Variants in KHDRBS2 observed in about 807,000 individuals in gnomAD.
KHDRBS2 encodes the protein KH domain-containing, RNA-binding, signal transduction-associated protein 2.
In KHDRBS2, 26 loss-of-function variants were observed where a neutral mutation model predicts 44.3. The ratio of observed to expected loss-of-function variants is 0.59; its 90% CI spans 0.43 to 0.81. KHDRBS2 has a LOEUF of 0.81. Ranked by LOEUF, KHDRBS2 falls within the 40% of genes least tolerant of loss-of-function variation. KHDRBS2 has a pLI of 0.00. For synonymous variants in KHDRBS2, 194 were observed against 151.1 expected (o/e 1.28, Z -2.08); for missense variants, 476 against 433.1 (o/e 1.10, Z -0.88).
intron 6 of KHDRBS2, among the ~76,000 whole-genome samples, chr6:61,769,442 A>G (rs1042048195): frequency 6.6e-6 from 1 of 152,152 alleles, no homozygotes; most frequent in African/African-American, 2.4e-5. Context: ...TGGCACCTGG[A>G]AAATCGGGTC....
At chr6:62,033,170 G>C (rs978277306) in intron 3 of KHDRBS2, among the ~76,000 whole-genome samples, 1 of 151,662 alleles carries the variant, frequency 6.6e-6, no homozygotes, top group Non-Finnish European at 1.5e-5. Context: ...CCCAAACAGA[G>C]GAGACAAAAG....
At chr6:61,639,388 T>A in the KHDRBS2 span, among the ~76,000 whole-genome samples, 1 of 152,102 alleles carries the variant, frequency 6.6e-6, no homozygotes, top group African/African-American at 2.4e-5. Flanking sequence ...TCACCTCTAA[T>A]ATTTATGTCT....
chr6:62,223,727 C>T (rs1478120053), intron 1 of KHDRBS2, among the ~76,000 whole-genome samples: 2 of 152,104 alleles, frequency 1.3e-5, no homozygotes, highest in Admixed American at 6.5e-5. Flanking sequence ...TTCAAAGTTC[C>T]ACAAATCTCT....
At chr6:61,869,670 T>C (rs1187093082) in intron 6 of KHDRBS2, among the ~76,000 whole-genome samples, 2 of 152,092 alleles carry the variant, frequency 1.3e-5, no homozygotes, top group Admixed American at 6.5e-5. Flanking sequence ...ACCTGGTTCA[T>C]CTCATTGGGC....
At chr6:61,968,465 T>C (rs1770606473) in intron 4 of KHDRBS2, among the ~76,000 whole-genome samples, 1 of 151,780 alleles carries the variant, frequency 6.6e-6, no homozygotes, top group Non-Finnish European at 1.5e-5. Context: ...AAACAAGAGG[T>C]CCCCAAATAG....
chr6:61,604,374 A>G, the KHDRBS2 span, among the ~76,000 whole-genome samples: 1 of 152,132 alleles, frequency 6.6e-6, no homozygotes, highest in Non-Finnish European at 1.5e-5. Context: ...TTTATCCCTC[A>G]TGGCAGTTTT....
intron 1 of KHDRBS2, among the ~76,000 whole-genome samples, chr6:62,239,505 G>C (rs149331492): frequency 6.6e-6 from 1 of 151,926 alleles, no homozygotes; most frequent in Non-Finnish European, 1.5e-5. Context: ...CCCTGGAGGC[G>C]GACGTTGCCG....
chr6:61,798,522 G>T (rs1217834929), intron 6 of KHDRBS2, among the ~76,000 whole-genome samples: 1 of 152,046 alleles, frequency 6.6e-6, no homozygotes, highest in Admixed American at 6.6e-5. Context: ...TAAATGTTTT[G>T]CAGTACAAAT....
At chr6:61,859,592 G>A (rs769355577) in intron 6 of KHDRBS2, among the ~76,000 whole-genome samples, 1 of 151,852 alleles carries the variant, frequency 6.6e-6, no homozygotes, top group Non-Finnish European at 1.5e-5. Context: ...CCAGAAGCCT[G>A]GGAGATATAA....
At position 61,860,174 on chromosome 6, in the gene KHDRBS2, G is replaced by T. The variant is rs560400831; in HGVS notation, c.810+34461C>A. Among the ~76,000 whole-genome samples, 70 of 151,974 alleles carry T rather than the reference G, an allele frequency of 4.6e-4. No homozygotes were observed. In the Middle Eastern group the frequency reaches 0.01, roughly 22 times the overall value. ...ATAAATCCATACTTAGACACCTCAT[G>T]GTAAAAATAGTAGGACATCAAAGAT... On this transcript the variant is annotated intron_variant, in intron 6 of 8. Transcript: ENST00000281156.
At chr6:61,562,919 G>C in the KHDRBS2 span, among the ~76,000 whole-genome samples, 1 of 152,158 alleles carries the variant, frequency 6.6e-6, no homozygotes, top group East Asian at 1.9e-4. Flanking sequence ...TGTATATAAT[G>C]CGTTATATCT....
chr6:61,818,553 G>A (rs2127248445), intron 6 of KHDRBS2, among the ~76,000 whole-genome samples: 2 of 152,066 alleles, frequency 1.3e-5, no homozygotes, highest in South Asian at 4.1e-4. Flanking sequence ...TGGTTTAACA[G>A]TGCCTAGAAG....
At chr6:62,205,585 A>C (rs1166632496) in intron 1 of KHDRBS2, among the ~76,000 whole-genome samples, 1 of 152,118 alleles carries the variant, frequency 6.6e-6, no homozygotes, top group Non-Finnish European at 1.5e-5. Context: ...ATTTAATTTC[A>C]GGACCAGCTG....
At chr6:62,225,878 T>C (rs774193989) in intron 1 of KHDRBS2, among the ~76,000 whole-genome samples, 2 of 152,258 alleles carry the variant, frequency 1.3e-5, no homozygotes, top group African/African-American at 4.8e-5. Flanking sequence ...CATTGCTTTT[T>C]ATGGCTGCAT....
At position 61,733,416 on chromosome 6, in the gene KHDRBS2, C is replaced by A. The variant is rs982929183; in HGVS notation, c.811-652G>T. On this transcript the variant is annotated intron_variant, in intron 6 of 8. Transcript: ENST00000281156. ...GACCAGCCTGGCCAACATGGTGAAA[C>A]CCCATCTCTACTAAAAAATACAAAA... Among the ~76,000 whole-genome samples the A allele has an allele frequency of 1.1e-4, 17 of 152,036 alleles. 2 individuals are homozygous for A. Among genetic ancestry groups the A allele is most frequent in the Admixed American group, 8.5e-4 (13 of 15,270 alleles).
chr6:62,246,131 T>TATATAC (rs1835532892), intron 1 of KHDRBS2, among the ~76,000 whole-genome samples: 2 of 138,194 alleles, frequency 1.4e-5, no homozygotes, highest in Admixed American at 1.4e-4. Context: ...TATATATATA[T>TATATAC]ATATAATCAA....
At chr6:62,177,795 A>T (rs976555389) in intron 1 of KHDRBS2, among the ~76,000 whole-genome samples, 11 of 151,392 alleles carry the variant, frequency 7.3e-5, no homozygotes, top group African/African-American at 2.7e-4. Context: ...GTAAAGAGAA[A>T]TTGCATGATA....
At position 61,869,964 on chromosome 6, in the gene KHDRBS2, GTTTT is replaced by G. The variant is rs59518436; in HGVS notation, c.810+24667_810+24670del. Reference sequence around the variant, plus strand: ...TAGACACCGAACTAGCTGCAGGAGTGTTTTTTTTTTTTTTTTTTTTTTTCCCCAT... The same window carrying G: ...TAGACACCGAACTAGCTGCAGGAGTGTTTTTTTTTTTTTTTTTTTCCCCAT... On this transcript the variant is annotated intron_variant, in intron 6 of 8. Coordinates refer to ENST00000281156, the MANE Select transcript of KHDRBS2 (RefSeq NM_152688.4). Among the ~76,000 whole-genome samples, 1,087 of 108,926 alleles carry G rather than the reference GTTTT, an allele frequency of 1.0e-2. 33 individuals carry two copies. Among genetic ancestry groups the G allele is most frequent in the African/African-American group, 0.039 (1,033 of 26,334 alleles). The allele number at this position is 108,926 out of a possible 152,430, so 71.5% of individuals were successfully genotyped here.
chr6:61,792,574 G>C (rs1483718993), intron 6 of KHDRBS2, among the ~76,000 whole-genome samples: 1 of 151,508 alleles, frequency 6.6e-6, no homozygotes, highest in African/African-American at 2.4e-5. Flanking sequence ...GTTGTAGAGT[G>C]ATAGTTTTTT....
Sources: gnomAD v4.1 joint callset for allele counts (sites outside exome capture counted in the v4.1 genomes callset) on GRCh38, gnomAD v4.1.1 for gene constraint, MANE v1.5 for transcripts, NCBI Gene and HGNC (gene_info 2026-07-23, HGNC 2026-07-21) for gene names.